DCC: variants seen among roughly 807,000 people sequenced by gnomAD.
DCC encodes the protein netrin receptor DCC.
Under a neutral mutation model 172.5 loss-of-function variants are expected in DCC, and 58 were observed. The observed-to-expected ratio is 0.34, with a 90% CI of 0.27 to 0.42. DCC has a LOEUF of 0.42. Among genes scored for constraint, DCC ranks in the 10% least tolerant of loss-of-function variants. DCC has a pLI of 1.00. For missense variants in DCC, 1,740 were observed against 1,791.0 expected, an observed-to-expected ratio of 0.97 and a Z score of 0.51; for synonymous variants, 709 against 644.5, an observed-to-expected ratio of 1.10 and a Z score of -1.52.
At chr18:53,418,632 G>A (rs888099246) in intron 21 of DCC, among the ~76,000 whole-genome samples, 5 of 152,114 alleles carry the variant, frequency 3.3e-5, no homozygotes, top group African/African-American at 1.2e-4. Flanking sequence ...AGAAGCAAGA[G>A]GTTGAATTTG....
chr18:52,967,827 T>C (rs74889761), intron 5 of DCC, among the ~76,000 whole-genome samples: 32 of 152,172 alleles, frequency 2.1e-4, no homozygotes, highest in Non-Finnish European at 3.5e-4. Flanking sequence ...AGGGACAGGA[T>C]TTTTTGGCAA....
At chr18:52,764,666 G>T (rs2145154305) in intron 2 of DCC, among the ~76,000 whole-genome samples, 1 of 152,278 alleles carries the variant, frequency 6.6e-6, no homozygotes. Context: ...AGTAGATGTT[G>T]GCACCATGTT....
intron 1 of DCC, among the ~76,000 whole-genome samples, chr18:52,369,005 C>T (rs1984997818): frequency 6.6e-6 from 1 of 152,194 alleles, no homozygotes; most frequent in South Asian, 2.1e-4. Context: ...GAGTGTGTTT[C>T]TACCTGTTAT....
Position 52,635,232 on chromosome 18 carries a change from A to G in DCC, c.92-116822A>G, listed in dbSNP as rs141993032. ...TTCAGATAACACCTCTCTCCAAGAAACTCAAAAATCTCTGCAAATATTGCT... is the reference window on the plus strand; with the variant it reads ...TTCAGATAACACCTCTCTCCAAGAAGCTCAAAAATCTCTGCAAATATTGCT... On this transcript the variant is annotated intron_variant, in intron 1 of 28. Transcript: ENST00000442544. 4.8e-3 allele frequency among the ~76,000 whole-genome samples: 735 copies of G among 152,312 alleles called. 6 individuals carry two copies. Among genetic ancestry groups the G allele is most frequent in the Non-Finnish European group, 8.3e-3 (563 of 68,026 alleles).
chr18:52,503,369 G>A (rs955068125), intron 1 of DCC, among the ~76,000 whole-genome samples: 12 of 152,096 alleles, frequency 7.9e-5, no homozygotes, highest in African/African-American at 2.9e-4. Context: ...TCTGAACTGA[G>A]TTCTCAAAAA....
chr18:53,115,978 G>C lies in DCC; in HGVS notation c.1262-41378G>C, dbSNP rs140512945. ...GGATGTGGGAGCGGGGTTGAGGGGG[G>C]TGCTGTGGGGAATGGTTCAAAGTAG... is the stretch of plus-strand genomic sequence containing the variant. On this transcript the variant is annotated intron_variant, in intron 7 of 28. Transcript: ENST00000442544. Among the ~76,000 whole-genome samples, 4 of 151,666 alleles carry C rather than the reference G, an allele frequency of 2.6e-5. No homozygotes were observed. In the East Asian group the frequency reaches 7.8e-4, roughly 30 times the overall value.
At chr18:53,226,934 G>GTGTGTA (rs34949557) in intron 12 of DCC, among the ~76,000 whole-genome samples, 20 of 68,138 alleles carry the variant, frequency 2.9e-4, no homozygotes, top group Middle Eastern at 8.1e-3. Context: ...GTGTGTGTGT[G>GTGTGTA]TATATATATA....
intron 14 of DCC, among the ~76,000 whole-genome samples, chr18:53,330,863 C>T (rs1568061075): frequency 1.3e-5 from 2 of 152,208 alleles, no homozygotes; most frequent in African/African-American, 2.4e-5. Context: ...CATTTTGACA[C>T]TCTTCTCAAT....
At chr18:53,401,650 T>G (rs1459414362) in intron 18 of DCC, among the ~76,000 whole-genome samples, 1 of 152,184 alleles carries the variant, frequency 6.6e-6, no homozygotes, top group East Asian at 1.9e-4. Flanking sequence ...CACAGAATTT[T>G]TATGTGGAGA....
chr18:53,267,882 T>C (rs2056700941), intron 12 of DCC, among the ~76,000 whole-genome samples: 2 of 152,202 alleles, frequency 1.3e-5, no homozygotes. Context: ...GTTTAATATT[T>C]AATAAAATTC....
chr18:52,758,216 T>A (rs2037105959), intron 2 of DCC, among the ~76,000 whole-genome samples: 1 of 152,200 alleles, frequency 6.6e-6, no homozygotes, highest in South Asian at 2.1e-4. Context: ...AGACAGCATA[T>A]AATTTTTAAA....
intron 26 of DCC, among the ~76,000 whole-genome samples, chr18:53,489,340 G>C (rs1040921858): frequency 2.0e-5 from 3 of 152,106 alleles, no homozygotes; most frequent in Admixed American, 2.0e-4. Context: ...TGTTCCAAGT[G>C]ACTGTTTAAA....
intron 1 of DCC, among the ~76,000 whole-genome samples, chr18:52,614,055 C>T (rs2034328686): frequency 6.6e-6 from 1 of 152,130 alleles, no homozygotes; most frequent in Admixed American, 6.6e-5. Flanking sequence ...GGTACCAACG[C>T]TTTCCAAATT....
At chr18:52,345,721 A>G (rs1983849078) in intron 1 of DCC, among the ~76,000 whole-genome samples, 1 of 152,218 alleles carries the variant, frequency 6.6e-6, no homozygotes, top group South Asian at 2.1e-4. Flanking sequence ...GCTGTGTTCC[A>G]CTTTGCAAGG....
At chr18:53,114,631 G>GA (rs1356054955) in intron 7 of DCC, among the ~76,000 whole-genome samples, 4 of 151,500 alleles carry the variant, frequency 2.6e-5, no homozygotes. Flanking sequence ...AAAAGGAACA[G>GA]AAAAATATAT....
chr18:52,821,799 G>C (rs1486287398), intron 2 of DCC, among the ~76,000 whole-genome samples: 2 of 152,108 alleles, frequency 1.3e-5, no homozygotes, highest in Non-Finnish European at 2.9e-5. Context: ...TATACTCCTT[G>C]GTCTTGTATC....
In DCC at chr18:53,534,671, A is replaced by G. The variant is rs761977351; in HGVS notation, c.*4018A>G. ...GTGTTTTGTATGATATTCCATTCCA[A>G]TGCAAAATATATGTACCCATGCCTC... On this transcript the variant is annotated 3_prime_UTR_variant, in exon 29 of 29. Transcript: ENST00000442544. 2.0e-5 allele frequency: 3 copies of G among 152,206 alleles called. No homozygotes were observed. Among genetic ancestry groups the G allele is most frequent in the African/African-American group, 2.4e-5 (1 of 41,454 alleles). 9.4% of individuals were successfully genotyped at this position (152,206 alleles called of 1,614,324 possible). A position where few individuals can be genotyped will look rare whatever the true frequency, so the allele number is the denominator to read the frequency against.
chr18:53,234,661 C>T (rs1042929514), intron 12 of DCC, among the ~76,000 whole-genome samples: 1 of 152,090 alleles, frequency 6.6e-6, no homozygotes, highest in Non-Finnish European at 1.5e-5. Flanking sequence ...AATATAGGCA[C>T]ATCCAAATCC....
chr18:53,069,450 G>C (rs2144100976), intron 7 of DCC, among the ~76,000 whole-genome samples: 1 of 152,256 alleles, frequency 6.6e-6, no homozygotes, highest in East Asian at 1.9e-4. Flanking sequence ...GGTCCTGTCT[G>C]CTGAGGCTGT....
Sources: allele counts gnomAD v4.1 joint callset (sites outside exome capture counted in the v4.1 genomes callset), GRCh38; gene constraint gnomAD v4.1.1; transcripts MANE v1.5; gene names NCBI Gene and HGNC (gene_info 2026-07-23, HGNC 2026-07-21).